NTN1: variants seen among roughly 807,000 people sequenced by gnomAD.
The protein encoded by NTN1 is netrin 1, also known as netrin-1.
Under a neutral mutation model 54.2 loss-of-function variants are expected in NTN1, and 11 were observed. The observed-to-expected ratio is 0.20, with a 90% confidence interval of 0.13 to 0.34. NTN1 has a LOEUF of 0.34. Among genes scored for constraint, NTN1 ranks in the 10% least tolerant of loss-of-function variants. NTN1 has a pLI of 1.00. For missense variants in NTN1, 740 were observed against 893.1 expected, an observed-to-expected ratio of 0.83 and a Z score of 2.18; for synonymous variants, 371 against 382.0, an observed-to-expected ratio of 0.97 and a Z score of 0.33.
intron 5 of NTN1, among the ~76,000 whole-genome samples, chr17:9,214,666 C>T (rs1905178477): frequency 6.6e-6 from 1 of 152,060 alleles, no homozygotes; most frequent in Admixed American, 6.6e-5. Flanking sequence ...ACTAAAAATA[C>T]AAAAAATTAG....
Position 9,161,397 on chromosome 17 carries a change from G to A in NTN1, c.1019-1416G>A, listed in dbSNP as rs988202565. Among the ~76,000 whole-genome samples, 6 of 152,170 alleles carry A rather than the reference G, an allele frequency of 3.9e-5. No homozygotes were observed. In the South Asian group the frequency reaches 6.2e-4, roughly 16 times the overall value. The stretch of plus-strand genomic sequence containing the variant: ...CATAAAGAGCGAGAGGCTGAAGGAC[G>A]AGACAGGACCAGCTTATTTGGAGCC... On this transcript the variant is annotated intron_variant, in intron 2 of 6. Coordinates refer to ENST00000173229, the MANE Select transcript of NTN1 (RefSeq NM_004822.3).
chr17:9,021,328 C>T (rs2091846344), upstream of NTN1, among the ~76,000 whole-genome samples: 1 of 151,898 alleles, frequency 6.6e-6, no homozygotes, highest in Admixed American at 6.6e-5. Flanking sequence ...TGTTCTTTCT[C>T]GGGCTCCCGG....
chr17:9,117,203 G>T (rs1458866109), intron 2 of NTN1, among the ~76,000 whole-genome samples: 1 of 152,130 alleles, frequency 6.6e-6, no homozygotes, highest in South Asian at 2.1e-4. Context: ...ACAGGGCAGG[G>T]AGGCAGAGAG....
intron 2 of NTN1, among the ~76,000 whole-genome samples, chr17:9,072,429 G>A (rs1392523356): frequency 6.6e-6 from 1 of 151,924 alleles, no homozygotes; most frequent in African/African-American, 2.4e-5. Context: ...ACTTATTCTT[G>A]CCTTCTCTCA....
At chr17:9,189,175 A>G (rs1436715330) in intron 5 of NTN1, among the ~76,000 whole-genome samples, 3 of 152,120 alleles carry the variant, frequency 2.0e-5, no homozygotes, top group Non-Finnish European at 4.4e-5. Context: ...CATCTCTTCC[A>G]CCCATGGAGC....
intron 2 of NTN1, among the ~76,000 whole-genome samples, chr17:9,032,161 G>A (rs890842687): frequency 2.0e-5 from 3 of 152,108 alleles, no homozygotes; most frequent in African/African-American, 7.2e-5. Flanking sequence ...AGGGGCCGAG[G>A]GTCTTGAGAG....
rs187798580 is a variant in NTN1 at position 9,143,199 on chromosome 17, C to T, written c.1019-19614C>T. On this transcript the variant is annotated intron_variant, in intron 2 of 6. Transcript: ENST00000173229. ...GGAGTAGAGGATGAGAAGAAGGTAG[C>T]GATAAAGGGCCACAGACTCCAGAGC... 1.3e-3 allele frequency among the ~76,000 whole-genome samples: 196 copies of T among 152,212 alleles called. 1 individual carries two copies. The highest frequency in any genetic ancestry group is 4.5e-3 in the African/African-American group (186 of 41,534).
intron 5 of NTN1, among the ~76,000 whole-genome samples, chr17:9,197,992 C>T (rs551443582): frequency 3.9e-5 from 6 of 152,346 alleles, no homozygotes; most frequent in Admixed American, 1.3e-4. Context: ...CCCTCTTCTT[C>T]TTTGAGGCTA....
At chr17:9,062,437 C>T (rs1054857458) in intron 2 of NTN1, among the ~76,000 whole-genome samples, 3 of 152,276 alleles carry the variant, frequency 2.0e-5, no homozygotes, top group Admixed American at 1.3e-4. Context: ...GAATGTTACT[C>T]GAGCTTTCTG....
chr17:9,179,284 A>ACTGTGACTCCCTGT (rs2092410823), intron 3 of NTN1, among the ~76,000 whole-genome samples: 1 of 151,868 alleles, frequency 6.6e-6, no homozygotes, highest in African/African-American at 2.4e-5. Context: ...CAGCTGGGGG[A>ACTGTGACTCCCTGT]GCCACCCCTC....
At chr17:9,156,722 A>G (rs1049417739) in intron 2 of NTN1, among the ~76,000 whole-genome samples, 3 of 152,214 alleles carry the variant, frequency 2.0e-5, no homozygotes, top group Non-Finnish European at 4.4e-5. Flanking sequence ...ACAGCAGTCT[A>G]CTTGAGCAGA....
In NTN1 at chr17:9,239,858, G is replaced by C. The variant is rs767616324; in HGVS notation, c.1705G>C (p.Gly569Arg). The change falls in exon 7 of 7, where the codon GGC (glycine) becomes CGC (arginine). Residue 569 changes from glycine to arginine, a missense_variant. By Grantham distance (125) the Gly-to-Arg change is moderately radical (BLOSUM62 -2). Coordinates refer to ENST00000173229, the MANE Select transcript of NTN1 (RefSeq NM_004822.3). This position sits in a 1 kb window ranked among gnomAD's most constrained non-coding sequence, Gnocchi z 5.2. Reference sequence around the variant, plus strand: ...CGCGGAGGACTCTCCGGACCAGAGCGGCATCGTGGCCGATAAAAGCAGCCT... The same window carrying C: ...CGCGGAGGACTCTCCGGACCAGAGCCGCATCGTGGCCGATAAAAGCAGCCT... ...GNAEDSPDQS[G>R]IVADKSSLVI... is the part of the protein sequence containing the mutation. 1 of 1,612,494 alleles carries C rather than the reference G, an allele frequency of 6.2e-7. No individual in the cohort carries two copies.
At chr17:9,115,661 C>T (rs1190342831) in intron 2 of NTN1, among the ~76,000 whole-genome samples, 1 of 152,280 alleles carries the variant, frequency 6.6e-6, no homozygotes, top group Non-Finnish European at 1.5e-5. Flanking sequence ...GGTCTGTGCC[C>T]TGACTCATCC....
At chr17:9,028,684 C>T (rs897080470) in intron 2 of NTN1, among the ~76,000 whole-genome samples, 1 of 152,178 alleles carries the variant, frequency 6.6e-6, no homozygotes, top group Non-Finnish European at 1.5e-5. Flanking sequence ...TCGATATTTC[C>T]TTCTTGAGAT....
chr17:9,014,327 T>A, the NTN1 span, among the ~76,000 whole-genome samples: 2 of 152,112 alleles, frequency 1.3e-5, no homozygotes, highest in Admixed American at 6.5e-5. Context: ...GGGTAAGAGA[T>A]CTGGTAGGCA....
chr17:9,204,510 G>A (rs1367943238), intron 5 of NTN1, among the ~76,000 whole-genome samples: 1 of 152,186 alleles, frequency 6.6e-6, no homozygotes, highest in Non-Finnish European at 1.5e-5. Flanking sequence ...GGCCAGGCTG[G>A]TCTCGAACTC....
Position 9,243,735 on chromosome 17 carries a change from T to C in NTN1, c.*3767T>C, listed in dbSNP as rs1906310762. On this transcript the variant is annotated 3_prime_UTR_variant, in exon 7 of 7. Coordinates refer to ENST00000173229, the MANE Select transcript of NTN1 (RefSeq NM_004822.3). The stretch of plus-strand genomic sequence containing the variant: ...CCCCCTCCTGTGTTTTGGATTTCTG[T>C]TCACTCAGAATTGTAAATGTTTAGT... 6.6e-6 allele frequency: 1 copy of C among 152,260 alleles called. No homozygotes were observed. The highest frequency in any genetic ancestry group is 6.5e-5 in the Admixed American group (1 of 15,282). 9.4% of individuals were successfully genotyped at this position (152,260 alleles called of 1,614,324 possible).
intron 5 of NTN1, among the ~76,000 whole-genome samples, chr17:9,191,123 C>T (rs528152665): frequency 2.2e-3 from 330 of 152,284 alleles, no homozygotes; most frequent in African/African-American, 7.7e-3. Context: ...GCCTTTTAGA[C>T]ATGACACAAA....
chr17:9,113,647 A>T (rs916497833), intron 2 of NTN1, among the ~76,000 whole-genome samples: 1 of 152,150 alleles, frequency 6.6e-6, no homozygotes, highest in African/African-American at 2.4e-5. Context: ...AGGAGAGGAC[A>T]GTCCGAGACT....
Sources: allele counts gnomAD v4.1 joint callset (sites outside exome capture counted in the v4.1 genomes callset), GRCh38; gene constraint gnomAD v4.1.1; non-coding constraint Gnocchi (gnomAD v3.1); transcripts MANE v1.5; gene names NCBI Gene and HGNC (gene_info 2026-07-23, HGNC 2026-07-21).